RAD54B: variants seen among roughly 807,000 people sequenced by gnomAD.
RAD54B encodes the protein RAD54 homolog B.
In RAD54B, 78 loss-of-function variants were observed where a neutral mutation model predicts 95.8. That is an observed-to-expected ratio of 0.81 (90% CI 0.68 to 0.98). The LOEUF (loss-of-function observed/expected upper bound fraction) is 0.98. Among genes scored for constraint, RAD54B ranks in the 50% least tolerant of loss-of-function variants. The pLI, the probability that RAD54B is intolerant of heterozygous loss-of-function variation, is 0.00. For synonymous variants in RAD54B, 328 were observed against 354.9 expected (o/e 0.92, Z 0.85); for missense variants, 957 against 1,056.6 (o/e 0.91, Z 1.31).
intron 9 of RAD54B, among the ~76,000 whole-genome samples, chr8:94,392,532 G>C (rs370283802): frequency 6.6e-6 from 1 of 152,146 alleles, no homozygotes; most frequent in African/African-American, 2.4e-5. Context: ...AAAGTGCTGG[G>C]ATTACAGGCA....
At chr8:94,444,328 G>C (rs942372865) in intron 3 of RAD54B, among the ~76,000 whole-genome samples, 32 of 150,900 alleles carry the variant, frequency 2.1e-4, no homozygotes, top group African/African-American at 7.8e-4. Flanking sequence ...AACACATTAT[G>C]ATCTGACAAC....
At chr8:94,472,502 T>C (rs1813196119) in intron 1 of RAD54B, among the ~76,000 whole-genome samples, 1 of 152,222 alleles carries the variant, frequency 6.6e-6, no homozygotes, top group South Asian at 2.1e-4. Flanking sequence ...TGAGCCTTCT[T>C]AAACTAATAA....
chr8:94,396,548 T>C (rs1376103731), intron 8 of RAD54B, among the ~76,000 whole-genome samples: 1 of 152,092 alleles, frequency 6.6e-6, no homozygotes, highest in African/African-American at 2.4e-5. Context: ...TTTTTCCTTT[T>C]AATCCTATAA....
intron 4 of RAD54B, among the ~76,000 whole-genome samples, chr8:94,409,573 G>A (rs1811478371): frequency 6.6e-6 from 1 of 151,876 alleles, no homozygotes; most frequent in Non-Finnish European, 1.5e-5. Context: ...TTGCTAAGTT[G>A]CCCAGGCTGG....
chr8:94,450,420 A>G (rs377161458), intron 3 of RAD54B, among the ~76,000 whole-genome samples: 1 of 152,220 alleles, frequency 6.6e-6, no homozygotes, highest in African/African-American at 2.4e-5. Flanking sequence ...TGACCTGAAT[A>G]TCAAAGAATT....
At chr8:94,448,229 C>A (rs961938006) in intron 3 of RAD54B, among the ~76,000 whole-genome samples, 7 of 151,800 alleles carry the variant, frequency 4.6e-5, no homozygotes, top group African/African-American at 1.7e-4. Context: ...TTTGTCTTTC[C>A]ATTGAGCTAT....
intron 3 of RAD54B, chr8:94,432,213 T>C: frequency 6.4e-7 from 1 of 1,550,412 alleles, no homozygotes; most frequent in Non-Finnish European, 8.7e-7. Context: ...TCTTAGTAGC[T>C]CTTCCTCTAG....
chr8:94,377,044 G>C (rs919514378), intron 14 of RAD54B, among the ~76,000 whole-genome samples: 2 of 151,992 alleles, frequency 1.3e-5, no homozygotes, highest in Middle Eastern at 3.2e-3. Context: ...TTTTTGAATG[G>C]TGTCTATTCT....
At chr8:94,436,695 T>C (rs1203527622) in intron 3 of RAD54B, 97 of 1,550,602 alleles carry the variant, frequency 6.3e-5, no homozygotes, top group Non-Finnish European at 8.3e-5. Context: ...GAGGGCGGTC[T>C]ACTCCAATTG....
At chr8:94,404,277 CT>C (rs1811333000) in intron 5 of RAD54B, 38 bp from the exon 6 acceptor site, 1 of 1,487,652 alleles carries the variant, frequency 6.7e-7, no homozygotes, top group Non-Finnish European at 9.1e-7. Flanking sequence ...TGTAATTTCA[CT>C]TTTTCAGCAA....
chr8:94,418,020 G>A (rs1484082370), intron 3 of RAD54B, among the ~76,000 whole-genome samples: 2 of 152,202 alleles, frequency 1.3e-5, no homozygotes, highest in Non-Finnish European at 2.9e-5. Flanking sequence ...GGACTTAAGT[G>A]CAGCTCCTCC....
chr8:94,410,463 A>G (rs1472509121), intron 4 of RAD54B, among the ~76,000 whole-genome samples: 2 of 152,226 alleles, frequency 1.3e-5, no homozygotes, highest in Admixed American at 6.5e-5. Context: ...ATTAAAAACT[A>G]TAAACTATAT....
At chr8:94,446,380 C>T (rs1445395679) in intron 3 of RAD54B, among the ~76,000 whole-genome samples, 1 of 152,108 alleles carries the variant, frequency 6.6e-6, no homozygotes, top group African/African-American at 2.4e-5. Flanking sequence ...GCTGATGTTT[C>T]ACTTGAGAGG....
intron 8 of RAD54B, among the ~76,000 whole-genome samples, 160 bp downstream of exon 8, chr8:94,399,254 T>C (rs1811211701): frequency 6.6e-6 from 1 of 152,162 alleles, no homozygotes; most frequent in South Asian, 2.1e-4. Context: ...TACACATGGA[T>C]TTGAAGATTC....
chr8:94,462,010 C>T (rs1254980741), intron 2 of RAD54B, among the ~76,000 whole-genome samples: 1 of 152,142 alleles, frequency 6.6e-6, no homozygotes, highest in Admixed American at 6.5e-5. Context: ...CCTTTAGTTT[C>T]CTTCAATCTC....
chr8:94,378,100 T>C, intron 14 of RAD54B, 80 bp downstream of exon 14: 1 of 1,102,622 alleles, frequency 9.1e-7, no homozygotes, highest in East Asian at 2.7e-5. Flanking sequence ...TATTATAAAG[T>C]TATTCTTTAA....
At chr8:94,439,354 G>A (rs1437104123) in intron 3 of RAD54B, among the ~76,000 whole-genome samples, 1 of 152,202 alleles carries the variant, frequency 6.6e-6, no homozygotes, top group African/African-American at 2.4e-5. Flanking sequence ...AAGCACATCA[G>A]TTGGAGTTAA....
At chr8:94,469,049 T>C (rs1403189461) in intron 1 of RAD54B, among the ~76,000 whole-genome samples, 1 of 149,396 alleles carries the variant, frequency 6.7e-6, no homozygotes, top group Non-Finnish European at 1.5e-5. Context: ...TCCCAGCACT[T>C]TGGGAGGCCA....
At chr8:94,408,189 C>T (rs1811440866) in intron 4 of RAD54B, among the ~76,000 whole-genome samples, 1 of 152,162 alleles carries the variant, frequency 6.6e-6, no homozygotes, top group Admixed American at 6.5e-5. Flanking sequence ...AGTTAAAATA[C>T]AGTTGTGGCA....
Sources: gnomAD v4.1 joint callset for allele counts (sites outside exome capture counted in the v4.1 genomes callset) on GRCh38, gnomAD v4.1.1 for gene constraint, MANE v1.5 for transcripts, NCBI Gene and HGNC (gene_info 2026-07-23, HGNC 2026-07-21) for gene names.